Variants in ANKS1B observed in about 807,000 individuals in gnomAD.
ANKS1B encodes the protein ankyrin repeat and sterile alpha motif domain containing 1B.
Under a neutral mutation model 148.3 loss-of-function variants are expected in ANKS1B, and 36 were observed. That is an observed-to-expected ratio of 0.24 (90% CI 0.19 to 0.32). The LOEUF (loss-of-function observed/expected upper bound fraction) is 0.32. ANKS1B is among the 10% of genes least tolerant of loss of function. ANKS1B has a pLI of 1.00. For missense variants in ANKS1B, 1,157 were observed against 1,542.6 expected (o/e 0.75, Z 4.19); for synonymous variants, 542 against 560.8 (o/e 0.97, Z 0.47).
intron 9 of ANKS1B, among the ~76,000 whole-genome samples, chr12:99,628,871 AATCACCTCTTAATGGT>A (rs1329896203): frequency 6.6e-6 from 1 of 152,134 alleles, no homozygotes; most frequent in Non-Finnish European, 1.5e-5. Flanking sequence ...CTTGTAACCT[AATCACCTCTTAATGGT>A]CCCACCTCTT....
At chr12:99,150,440 T>G (rs2074519618) in intron 15 of ANKS1B, among the ~76,000 whole-genome samples, 1 of 152,104 alleles carries the variant, frequency 6.6e-6, no homozygotes, top group South Asian at 2.1e-4. Context: ...GCCTGTTCTG[T>G]ACTGCAGCCA....
chr12:99,216,144 T>C (rs1451960825), intron 14 of ANKS1B, among the ~76,000 whole-genome samples: 2 of 152,254 alleles, frequency 1.3e-5, no homozygotes, highest in South Asian at 2.1e-4. Flanking sequence ...CCTGCCACCA[T>C]GTAAGATGTG....
intron 17 of ANKS1B, among the ~76,000 whole-genome samples, chr12:98,857,758 A>G (rs1293479943): frequency 1.3e-5 from 2 of 152,206 alleles, no homozygotes; most frequent in African/African-American, 2.4e-5. Flanking sequence ...TAATATTTCT[A>G]AACTCAAAAC....
rs921033725 is a variant in ANKS1B at position 99,984,602 on chromosome 12, C to A, written c.-365G>T. ...GGAGGAGGGTGGTGAGGACTGAGGTCGGAGGAGGAGGAGGAGGCGGCAGAG... is the reference window on the plus strand; with the variant it reads ...GGAGGAGGGTGGTGAGGACTGAGGTAGGAGGAGGAGGAGGAGGCGGCAGAG... On this transcript the variant is annotated 5_prime_UTR_variant, in exon 1 of 27. Transcript: ENST00000683438. The A allele has an allele frequency of 5.1e-5, 9 of 177,382 alleles. No individual in the cohort carries two copies. The highest frequency in any genetic ancestry group is 1.2e-4 in the African/African-American group (5 of 42,590). 11.0% of individuals were successfully genotyped at this position (177,382 alleles called of 1,614,324 possible).
intron 8 of ANKS1B, among the ~76,000 whole-genome samples, chr12:99,768,812 C>T (rs1440038571): frequency 3.7e-5 from 5 of 134,066 alleles, no homozygotes; most frequent in East Asian, 2.3e-4. Flanking sequence ...CGACAGAGCA[C>T]GACTCCGTCT....
chr12:99,474,321 T>C (rs1810813610), intron 10 of ANKS1B, among the ~76,000 whole-genome samples: 2 of 152,082 alleles, frequency 1.3e-5, no homozygotes, highest in South Asian at 2.1e-4. Context: ...TATCAAACCA[T>C]TTTGCAATTC....
At chr12:98,804,894 A>G (rs1371419008) in intron 20 of ANKS1B, among the ~76,000 whole-genome samples, 1 of 152,184 alleles carries the variant, frequency 6.6e-6, no homozygotes, top group Non-Finnish European at 1.5e-5. Context: ...AAAAATCCTT[A>G]TTAAATATTA....
chr12:99,822,996 GA>G (rs1253684948), intron 2 of ANKS1B, among the ~76,000 whole-genome samples: 1 of 152,120 alleles, frequency 6.6e-6, no homozygotes, highest in Non-Finnish European at 1.5e-5. Context: ...TGACTGGTGT[GA>G]AATGGTTTCT....
intron 8 of ANKS1B, among the ~76,000 whole-genome samples, chr12:99,768,528 A>G (rs762676173): frequency 3.7e-4 from 56 of 152,192 alleles, no homozygotes; most frequent in Non-Finnish European, 6.9e-4. Context: ...TAGTGTTCAT[A>G]TAAGAAAACA....
intron 17 of ANKS1B, among the ~76,000 whole-genome samples, chr12:98,932,716 C>T (rs770434186): frequency 4.6e-5 from 7 of 152,038 alleles, no homozygotes; most frequent in African/African-American, 7.2e-5. Flanking sequence ...ATTCCTGGAA[C>T]CAGAAAGGTC....
chr12:98,765,056 G>A (rs961590651), intron 25 of ANKS1B, among the ~76,000 whole-genome samples: 2 of 152,236 alleles, frequency 1.3e-5, no homozygotes, highest in East Asian at 1.9e-4. Flanking sequence ...ATCAAAAACC[G>A]GGACATAAAG....
At chr12:99,077,398 G>A (rs187160311) in intron 16 of ANKS1B, among the ~76,000 whole-genome samples, 13 of 152,304 alleles carry the variant, frequency 8.5e-5, no homozygotes, top group African/African-American at 2.9e-4. Context: ...TGGAGAGTGA[G>A]TGATGGGATG....
rs372220749 is a variant in ANKS1B at position 99,944,974 on chromosome 12, C to T, written c.134+39130G>A. On this transcript the variant is annotated intron_variant, in intron 1 of 26. Transcript: ENST00000683438. ...GTGAAGGAAGCCAAAAGCTGAGAAG[C>T]CAGCATCAACTTAGCAGCTAATTTT... is the stretch of plus-strand genomic sequence containing the variant. Among the ~76,000 whole-genome samples the T allele has an allele frequency of 2.0e-4, 31 of 152,152 alleles. No individual in the cohort carries two copies. In the East Asian group the frequency reaches 2.1e-3, roughly 10 times the overall value.
chr12:99,836,377 T>A (rs541703794), intron 1 of ANKS1B, among the ~76,000 whole-genome samples: 1 of 152,086 alleles, frequency 6.6e-6, no homozygotes, highest in African/African-American at 2.4e-5. Flanking sequence ...TAGACTGTAA[T>A]GCACAATTTT....
At chr12:99,774,569 T>C (rs146282027) in intron 7 of ANKS1B, among the ~76,000 whole-genome samples, 305 of 152,234 alleles carry the variant, frequency 2.0e-3, no homozygotes, top group African/African-American at 7.0e-3. Flanking sequence ...GAAAACAGTA[T>C]GGAGATTCCT....
At chr12:99,801,825 T>C (rs1197283361) in intron 4 of ANKS1B, among the ~76,000 whole-genome samples, 6 of 152,072 alleles carry the variant, frequency 3.9e-5, no homozygotes, top group Non-Finnish European at 8.8e-5. Context: ...AGAGAGGAAT[T>C]AGCCTTAGAT....
At chr12:99,572,070 G>A (rs1167096536) in intron 9 of ANKS1B, among the ~76,000 whole-genome samples, 2 of 152,026 alleles carry the variant, frequency 1.3e-5, no homozygotes, top group African/African-American at 4.8e-5. Flanking sequence ...GGAAAATTAG[G>A]ATCTAGTACT....
intron 17 of ANKS1B, among the ~76,000 whole-genome samples, chr12:98,912,761 G>C (rs1035772033): frequency 7.9e-5 from 12 of 152,138 alleles, no homozygotes; most frequent in Non-Finnish European, 2.9e-5. Flanking sequence ...ACAAATCCTG[G>C]GAGAATCATG....
intron 17 of ANKS1B, among the ~76,000 whole-genome samples, chr12:98,872,526 T>A (rs1272882558): frequency 6.6e-6 from 1 of 152,094 alleles, no homozygotes; most frequent in Admixed American, 6.6e-5. Flanking sequence ...GTAACAGAGC[T>A]AGAACCTATC....
Sources: gnomAD v4.1 joint callset for allele counts (sites outside exome capture counted in the v4.1 genomes callset) on GRCh38, gnomAD v4.1.1 for gene constraint, MANE v1.5 for transcripts, NCBI Gene and HGNC (gene_info 2026-07-23, HGNC 2026-07-21) for gene names.